Variants in ATMIN observed in about 807,000 individuals in gnomAD.
ATMIN encodes ATM interactor.
In ATMIN, 24 loss-of-function variants were observed where a neutral mutation model predicts 49.2. The ratio of observed to expected loss-of-function variants is 0.49; its 90% confidence interval spans 0.35 to 0.69. The LOEUF is 0.69. Ranked by LOEUF, ATMIN falls within the 30% of genes least tolerant of loss-of-function variation. The pLI is 0.00. For missense variants in ATMIN, 1,037 were observed against 1,005.5 expected (o/e 1.03, Z -0.42); for synonymous variants, 450 against 392.5 (o/e 1.15, Z -1.73).
chr16:81,044,260 A>G lies in ATMIN; in HGVS notation c.1762A>G (p.Ile588Val), dbSNP rs1306447257. 6.2e-7 allele frequency: 1 copy of G among 1,614,082 alleles called. No homozygotes were observed. Among genetic ancestry groups the G allele is most frequent in the Non-Finnish European group, 8.5e-7 (1 of 1,180,012 alleles). ...CATGACAGATAATCAGACCCAAACC[A>G]TAGATTTATTAAGTGATTTGGAAAA... Reference protein sequence around the residue: ...QNMTDNQTQTIDLLSDLENIL... With the variant: ...QNMTDNQTQTVDLLSDLENIL... Residue 588 changes from isoleucine to valine, a missense_variant, in exon 4 of 4, where the codon ATA becomes GTA. By Grantham distance (29) the Ile-to-Val change is conservative (BLOSUM62 3). Coordinates refer to ENST00000299575, the MANE Select transcript of ATMIN (RefSeq NM_015251.3).
intron 1 of ATMIN, chr16:81,037,042 C>T (rs1407746762): frequency 1.4e-5 from 5 of 345,804 alleles, no homozygotes; most frequent in East Asian, 1.7e-4. Context: ...CAACCCTCCA[C>T]GTTATGCAAA....
rs1170816035 is a variant in ATMIN at position 81,046,263 on chromosome 16, T to A, written c.*1293T>A. The stretch of plus-strand genomic sequence containing the variant: ...CATCCCCCATTAGGTTTCAATACTT[T>A]GCACTTCTACTAAGCTTGATAGGGC... On this transcript the variant is annotated 3_prime_UTR_variant, in exon 4 of 4. Transcript: ENST00000299575. 1 of 152,230 alleles carries A rather than the reference T, an allele frequency of 6.6e-6. No individual in the cohort carries two copies. Among genetic ancestry groups the A allele is most frequent in the Admixed American group, 6.5e-5 (1 of 15,284 alleles). 9.4% of individuals were successfully genotyped at this position (152,230 alleles called of 1,614,324 possible). A position where few individuals can be genotyped will look rare whatever the true frequency, so the allele number is the denominator to read the frequency against.
chr16:81,046,552 G>T lies in ATMIN; in HGVS notation c.*1582G>T, dbSNP rs745433493. Reference sequence around the variant, plus strand: ...TTTGTGTGTTTTGAGGTAGGAGCATGATCAAGTATGCTTTGGGGATTTTCT... The same window carrying T: ...TTTGTGTGTTTTGAGGTAGGAGCATTATCAAGTATGCTTTGGGGATTTTCT... On this transcript the variant is annotated 3_prime_UTR_variant, in exon 4 of 4. Coordinates refer to ENST00000299575, the MANE Select transcript of ATMIN (RefSeq NM_015251.3). 2 of 152,090 alleles carry T rather than the reference G, an allele frequency of 1.3e-5. No individual in the cohort carries two copies. Among genetic ancestry groups the T allele is most frequent in the South Asian group, 4.1e-4 (2 of 4,822 alleles). The allele number at this position is 152,090 out of a possible 1,614,324, so 9.4% of individuals were successfully genotyped here. A position where few individuals can be genotyped will look rare whatever the true frequency, so the allele number is the denominator to read the frequency against.
chr16:81,037,061 G>T (rs1970950091), intron 1 of ATMIN: 2 of 498,740 alleles, frequency 4.0e-6, no homozygotes, highest in Non-Finnish European at 5.2e-6. Context: ...AAACAGGGCA[G>T]TCATTTTCAA....
intron 1 of ATMIN, among the ~76,000 whole-genome samples, chr16:81,037,927 A>G (rs1970972736): frequency 6.6e-6 from 1 of 152,150 alleles, no homozygotes; most frequent in Non-Finnish European, 1.5e-5. Context: ...GGTGTGAGCC[A>G]CCGCGACCGA....
At chr16:81,041,656 G>GC in intron 2 of ATMIN, 175 bp downstream of exon 2, 1 of 708,272 alleles carries the variant, frequency 1.4e-6, no homozygotes, top group South Asian at 2.2e-5. Context: ...GGGAAAAGCG[G>GC]CACGGTCTGG....
rs1453056991 is a variant in ATMIN, at chr16:81,046,059, CAG to C, written c.*1090_*1091del. The C allele has an allele frequency of 2.0e-5, 3 of 151,850 alleles. No homozygotes were observed. The highest frequency in any genetic ancestry group is 4.8e-5 in the African/African-American group (2 of 41,394). 9.4% of individuals were successfully genotyped at this position (151,850 alleles called of 1,614,324 possible). On this transcript the variant is annotated 3_prime_UTR_variant, in exon 4 of 4. Transcript: ENST00000299575. ...GCGTAGGTTATCCAAACCTTGGGAA[CAG>C]GGAGTTATGGAAACATGCCTATGAC...
chr16:81,045,285 C>T lies in ATMIN; in HGVS notation c.*315C>T, dbSNP rs912378386. On this transcript the variant is annotated 3_prime_UTR_variant, in exon 4 of 4. Transcript: ENST00000299575. ...CCTATATAGCCATTTAGCTGAAGCC[C>T]AGCTTACCAGGTTCAAGGGTACAAA... 3.8e-6 allele frequency: 1 copy of T among 264,882 alleles called. No homozygotes were observed. The highest frequency in any genetic ancestry group is 7.1e-6 in the Non-Finnish European group (1 of 140,338). 16.4% of individuals were successfully genotyped at this position (264,882 alleles called of 1,614,324 possible).
intron 1 of ATMIN, among the ~76,000 whole-genome samples, chr16:81,036,730 T>G (rs1186383822): frequency 1.3e-5 from 2 of 152,126 alleles, no homozygotes; most frequent in Non-Finnish European, 2.9e-5. Context: ...GTTTTAAATG[T>G]TCTCACCACC....
At chr16:81,039,556 C>T (rs976263893) in intron 1 of ATMIN, among the ~76,000 whole-genome samples, 23 of 152,164 alleles carry the variant, frequency 1.5e-4, no homozygotes, top group African/African-American at 5.6e-4. Context: ...ATTCCATATC[C>T]TGTAAGGAAA....
In ATMIN at chr16:81,044,875, C is replaced by G. The variant is rs200535451; in HGVS notation, c.2377C>G (p.Leu793Val). 6.2e-7 allele frequency: 1 copy of G among 1,614,210 alleles called. No individual in the cohort carries two copies. Among genetic ancestry groups the G allele is most frequent in the Non-Finnish European group, 8.5e-7 (1 of 1,180,030 alleles). ...NETQTAMDDF[L>V]LADLAWNTME... ...AACTCAGACAGCAATGGATGACTTT[C>G]TTCTGGCTGATCTGGCCTGGAACAC... Residue 793 changes from leucine (L) to valine (V), a missense_variant, in exon 4 of 4, where the codon CTT becomes GTT. Leu to Val is a conservative substitution (Grantham distance 32). Transcript: ENST00000299575.
chr16:81,045,633 G>C lies in ATMIN; in HGVS notation c.*663G>C, dbSNP rs889111860. 4 of 152,268 alleles carry C rather than the reference G, an allele frequency of 2.6e-5. No homozygotes were observed. The highest frequency in any genetic ancestry group is 4.8e-5 in the African/African-American group (2 of 41,442). The allele number at this position is 152,268 out of a possible 1,614,324, so 9.4% of individuals were successfully genotyped here. On this transcript the variant is annotated 3_prime_UTR_variant, in exon 4 of 4. Transcript: ENST00000299575. ...CTACTATTGATACCAGCATACAAGT[G>C]TACAGCACTTTACACACAAGAGGTT... is the stretch of plus-strand genomic sequence containing the variant.
At chr16:81,038,202 A>G (rs989700838) in intron 1 of ATMIN, among the ~76,000 whole-genome samples, 1 of 149,866 alleles carries the variant, frequency 6.7e-6, no homozygotes, top group African/African-American at 2.5e-5. Context: ...GCCATCTTGG[A>G]TCACTGCAAC....
At position 81,043,305 on chromosome 16, in the gene ATMIN, A is replaced by G. The variant is rs1205739916; in HGVS notation, c.807A>G (p.Pro269=). The G allele has an allele frequency of 1.3e-5, 21 of 1,613,996 alleles. No homozygotes were observed. The highest frequency in any genetic ancestry group is 1.7e-5 in the Non-Finnish European group (20 of 1,180,010). ...ELEASEIKLE[P]SFEDSCGSNT... ...AAGCTTCAGAAATAAAGCTAGAACC[A>G]TCTTTTGAAGACTCTTGTGGCTCTA... is the stretch of plus-strand genomic sequence containing the variant. Residue 269 remains proline (P), a synonymous_variant, in exon 4 of 4, where the codon CCA becomes CCG. Transcript: ENST00000299575.
intron 2 of ATMIN, 141 bp downstream of exon 2, chr16:81,041,622 T>A: frequency 9.4e-7 from 1 of 1,063,474 alleles, no homozygotes; most frequent in Non-Finnish European, 1.3e-6. Context: ...GGTATAAACC[T>A]GAGTATGCTG....
chr16:81,046,371 C>G lies in ATMIN; in HGVS notation c.*1401C>G, dbSNP rs1467264388. The G allele has an allele frequency of 6.6e-6, 1 of 152,126 alleles. No individual in the cohort carries two copies. Among genetic ancestry groups the G allele is most frequent in the Non-Finnish European group, 1.5e-5 (1 of 68,018 alleles). 9.4% of individuals were successfully genotyped at this position (152,126 alleles called of 1,614,324 possible). On this transcript the variant is annotated 3_prime_UTR_variant, in exon 4 of 4. Transcript: ENST00000299575. ...CTTTTCTTTGAATAAGAAAAAGTAT[C>G]TAGCAAGGATATTACTTGTGCCTTG...
At chr16:81,041,241 A>C (rs1352392153) in intron 1 of ATMIN, 115 bp from the exon 2 acceptor site, 4 of 1,170,800 alleles carry the variant, frequency 3.4e-6, no homozygotes, top group Non-Finnish European at 4.8e-6. Flanking sequence ...AGATGGAAAA[A>C]CTCTTAATTA....
In ATMIN at chr16:81,036,033, A is replaced by G; in HGVS notation, c.163A>G (p.Thr55Ala). The change falls in exon 1 of 4, where the codon ACG (threonine) becomes GCG (alanine). Residue 55 changes from threonine to alanine, a missense_variant. Thr to Ala is a moderately conservative substitution (Grantham distance 58). Transcript: ENST00000299575. ...CAGCCGGCCGCGGCCCGCGGGGGCG[A>G]CGCAGCAGCCCGCTGTCCCCGCGCC... is the stretch of plus-strand genomic sequence containing the variant. ...RGSRPRPAGA[T>A]QQPAVPAPPA... 8.5e-7 allele frequency: 1 copy of G among 1,179,230 alleles called. No individual in the cohort carries two copies. The allele number at this position is 1,179,230 out of a possible 1,614,324, so 73.0% of individuals were successfully genotyped here. A position where few individuals can be genotyped will look rare whatever the true frequency, so the allele number is the denominator to read the frequency against.
chr16:81,039,238 T>C (rs1252433979), intron 1 of ATMIN, among the ~76,000 whole-genome samples: 1 of 152,250 alleles, frequency 6.6e-6, no homozygotes, highest in African/African-American at 2.4e-5. Flanking sequence ...CTTTCTGCCC[T>C]GAGTATCTTA....
Sources: gnomAD v4.1 joint callset for allele counts (sites outside exome capture counted in the v4.1 genomes callset) on GRCh38, gnomAD v4.1.1 for gene constraint, MANE v1.5 for transcripts, NCBI Gene and HGNC (gene_info 2026-07-23, HGNC 2026-07-21) for gene names.